The following PTPRD variants were observed in gnomAD, a reference collection of about 807,000 sequenced individuals.
The protein encoded by PTPRD is receptor-type tyrosine-protein phosphatase delta.
A neutral mutation model predicts 214.5 loss-of-function variants in PTPRD; 34 were observed. The observed-to-expected ratio is 0.16, with a 90% CI of 0.12 to 0.21. The LOEUF is 0.21. Ranked by LOEUF, PTPRD falls within the 10% of genes least tolerant of loss-of-function variation. The pLI is 1.00. For synonymous variants in PTPRD, 1,128 were observed against 845.7 expected (o/e 1.33, Z -5.79); for missense variants, 2,545 against 2,398.7 (o/e 1.06, Z -1.27).
intron 5 of PTPRD, among the ~76,000 whole-genome samples, chr9:9,905,870 C>T (rs2077449947): frequency 6.6e-6 from 1 of 151,968 alleles, no homozygotes; most frequent in Non-Finnish European, 1.5e-5. Flanking sequence ...AGTGCAAACT[C>T]ATGAGGAACC....
chr9:10,482,428 A>C (rs1350711290), intron 2 of PTPRD, among the ~76,000 whole-genome samples: 1 of 151,980 alleles, frequency 6.6e-6, no homozygotes, highest in Non-Finnish European at 1.5e-5. Context: ...TTATAACAAT[A>C]ATTAGGCAAG....
rs1822389190 is a variant in PTPRD, at chr9:8,317,064, T to G, written c.*810A>C. On this transcript the variant is annotated 3_prime_UTR_variant, in exon 46 of 46. Transcript: ENST00000381196. ...AAAATAATAATTATCTTTGATTATT[T>G]GAAGAGAATGGGTACTTTCTCACCA... The G allele has an allele frequency of 4.3e-6, 1 of 231,550 alleles. No homozygotes were observed. The allele number at this position is 231,550 out of a possible 1,614,324, so 14.3% of individuals were successfully genotyped here. A position where few individuals can be genotyped will look rare whatever the true frequency, so the allele number is the denominator to read the frequency against.
intron 10 of PTPRD, among the ~76,000 whole-genome samples, chr9:9,074,199 T>C (rs974973690): frequency 1.3e-5 from 2 of 152,160 alleles, no homozygotes; most frequent in Non-Finnish European, 2.9e-5. Context: ...TTTCTGAATA[T>C]AGCTTCCTTT....
chr9:9,569,012 C>T (rs1302602372), intron 8 of PTPRD, among the ~76,000 whole-genome samples: 1 of 151,712 alleles, frequency 6.6e-6, no homozygotes, highest in East Asian at 1.9e-4. Context: ...GGCAAAGACA[C>T]TGGGGAAAGT....
At chr9:10,301,693 A>C (rs1259114059) in intron 3 of PTPRD, among the ~76,000 whole-genome samples, 1 of 152,218 alleles carries the variant, frequency 6.6e-6, no homozygotes, top group Non-Finnish European at 1.5e-5. Flanking sequence ...CAACTTAATG[A>C]AATAAAGCGA....
At chr9:9,684,554 ATAT>A (rs2097134956) in intron 7 of PTPRD, among the ~76,000 whole-genome samples, 3 of 151,720 alleles carry the variant, frequency 2.0e-5, no homozygotes, top group Non-Finnish European at 3.0e-5. Flanking sequence ...TTGAGTAATA[ATAT>A]TAATACTTGG....
chr9:8,505,465 A>T (rs1289318348), intron 22 of PTPRD, among the ~76,000 whole-genome samples: 1 of 151,896 alleles, frequency 6.6e-6, no homozygotes, highest in Non-Finnish European at 1.5e-5. Context: ...TCCTAAAAAT[A>T]CAAAAAATTA....
chr9:8,838,133 G>A (rs1377358710), intron 11 of PTPRD, among the ~76,000 whole-genome samples: 1 of 151,944 alleles, frequency 6.6e-6, no homozygotes, highest in Non-Finnish European at 1.5e-5. Context: ...TAATTGAAAG[G>A]TTATGATGAC....
intron 10 of PTPRD, among the ~76,000 whole-genome samples, chr9:9,102,583 G>A (rs989703246): frequency 6.6e-6 from 1 of 152,214 alleles, no homozygotes; most frequent in Non-Finnish European, 1.5e-5. Context: ...TTGAATTGGA[G>A]CTGAAAGATT....
chr9:10,242,062 A>T (rs572562444), intron 3 of PTPRD, among the ~76,000 whole-genome samples: 4 of 152,102 alleles, frequency 2.6e-5, no homozygotes, highest in Middle Eastern at 3.4e-3. Flanking sequence ...AAAAGGTGCC[A>T]TGAATTAAAG....
At chr9:8,899,080 A>AT (rs1394625470) in intron 11 of PTPRD, among the ~76,000 whole-genome samples, 3 of 152,126 alleles carry the variant, frequency 2.0e-5, no homozygotes, top group African/African-American at 2.4e-5. Context: ...GTATCAGATA[A>AT]TTTTTTCTCT....
intron 9 of PTPRD, among the ~76,000 whole-genome samples, chr9:9,351,183 G>C (rs1231783035): frequency 6.6e-6 from 1 of 151,960 alleles, no homozygotes; most frequent in East Asian, 1.9e-4. Context: ...CAAATGTACA[G>C]ATTTGAGTTT....
chr9:9,424,366 T>A (rs1002628016), intron 8 of PTPRD, among the ~76,000 whole-genome samples: 6 of 152,210 alleles, frequency 3.9e-5, no homozygotes, highest in African/African-American at 1.4e-4. Context: ...AAATGGGATT[T>A]TGGAATCTGT....
chr9:8,982,438 C>T (rs1589272367), intron 11 of PTPRD, among the ~76,000 whole-genome samples: 1 of 151,730 alleles, frequency 6.6e-6, no homozygotes, highest in East Asian at 1.9e-4. Flanking sequence ...CGAATGCTTC[C>T]CCAGCAATTC....
intron 2 of PTPRD, among the ~76,000 whole-genome samples, chr9:10,565,036 T>A (rs2065182911): frequency 6.6e-6 from 1 of 152,084 alleles, no homozygotes; most frequent in Admixed American, 6.6e-5. Flanking sequence ...CATGAAGGAA[T>A]TCCTAATGTA....
intron 14 of PTPRD, among the ~76,000 whole-genome samples, chr9:8,598,621 T>C (rs990850670): frequency 6.6e-6 from 1 of 152,216 alleles, no homozygotes; most frequent in East Asian, 1.9e-4. Context: ...TATCAGATCA[T>C]GCCTTTTAAC....
At chr9:9,963,125 C>G (rs945759236) in intron 4 of PTPRD, among the ~76,000 whole-genome samples, 18 of 152,082 alleles carry the variant, frequency 1.2e-4, no homozygotes, top group African/African-American at 4.1e-4. Context: ...AAAAGTAAAT[C>G]AGGTGGATTT....
chr9:9,237,868 T>C (rs947102728), intron 9 of PTPRD, among the ~76,000 whole-genome samples: 5 of 152,156 alleles, frequency 3.3e-5, no homozygotes, highest in East Asian at 1.9e-4. Context: ...GGGCACTTCA[T>C]TGACCTTTTT....
intron 5 of PTPRD, among the ~76,000 whole-genome samples, chr9:9,797,743 G>A (rs1230084733): frequency 1.3e-5 from 2 of 151,956 alleles, no homozygotes; most frequent in South Asian, 2.1e-4. Context: ...CTACTCGGGG[G>A]GGGCTGAGGC....
Sources: allele counts gnomAD v4.1 joint callset (sites outside exome capture counted in the v4.1 genomes callset), GRCh38; gene constraint gnomAD v4.1.1; transcripts MANE v1.5; gene names NCBI Gene and HGNC (gene_info 2026-07-23, HGNC 2026-07-21).